Variants in EPS15 observed in about 807,000 individuals in gnomAD.
The protein encoded by EPS15 is epidermal growth factor receptor pathway substrate 15.
A neutral mutation model predicts 113.8 loss-of-function variants in EPS15; 72 were observed. The ratio of observed to expected loss-of-function variants is 0.63; its 90% CI spans 0.52 to 0.77. EPS15 has a LOEUF of 0.77. Among genes scored for constraint, EPS15 ranks in the 30% least tolerant of loss-of-function variants. The pLI is 0.00. For missense variants in EPS15, 1,048 were observed against 1,045.8 expected, an observed-to-expected ratio of 1.00 and a Z score of -0.03; for synonymous variants, 344 against 363.4, an observed-to-expected ratio of 0.95 and a Z score of 0.61.
intron 1 of EPS15, among the ~76,000 whole-genome samples, chr1:51,499,878 A>C (rs1307581932): frequency 2.0e-5 from 3 of 152,220 alleles, no homozygotes; most frequent in Admixed American, 1.3e-4. Context: ...ATTATTGTGC[A>C]ACTATTTCCA....
At chr1:51,385,075 T>G (rs181966836) in intron 21 of EPS15, among the ~76,000 whole-genome samples, 1 of 152,128 alleles carries the variant, frequency 6.6e-6, no homozygotes, top group Non-Finnish European at 1.5e-5. Flanking sequence ...AACAACACAA[T>G]AGATAAAATG....
At position 51,399,114 on chromosome 1, in the gene EPS15, C is replaced by G. The variant is rs780962215; in HGVS notation, c.1970G>C (p.Cys657Ser). 1 of 1,613,996 alleles carries G rather than the reference C, an allele frequency of 6.2e-7. No individual in the cohort carries two copies. Among genetic ancestry groups the G allele is most frequent in the Non-Finnish European group, 8.5e-7 (1 of 1,179,888 alleles). Residue 657 changes from cysteine to serine, a missense_variant, in exon 20 of 25, where the codon TGT becomes TCT. By Grantham distance (112) the Cys-to-Ser change is moderately radical. Coordinates refer to ENST00000371733, the MANE Select transcript of EPS15 (RefSeq NM_001981.3). ...AGGATCAGTAGATTGCCTGAAGAAA[C>G]AGTCTGATGCAAATGGATCTGAACC... ...FKGSDPFASDCFFRQSTDPFA... is the reference protein window; with the variant it reads ...FKGSDPFASDSFFRQSTDPFA...
intron 12 of EPS15, among the ~76,000 whole-genome samples, chr1:51,424,128 G>A (rs1651008607): frequency 1.3e-5 from 2 of 151,986 alleles, no homozygotes; most frequent in Admixed American, 1.3e-4. Context: ...GCACAACCAA[G>A]TAGTATAACA....
chr1:51,468,671 TAC>T (rs952550585), intron 4 of EPS15, 103 bp from the exon 5 acceptor site: 7 of 738,248 alleles, frequency 9.5e-6, no homozygotes, highest in Non-Finnish European at 1.6e-5. Flanking sequence ...TCATAATTAC[TAC>T]AGAGGTCTTA....
chr1:51,515,230 T>A (rs1295770862), intron 1 of EPS15, among the ~76,000 whole-genome samples: 1 of 151,636 alleles, frequency 6.6e-6, no homozygotes, highest in Admixed American at 6.6e-5. Flanking sequence ...TAAAATTAAG[T>A]CCCTACTTAA....
chr1:51,399,369 G>A (rs1336879314), intron 19 of EPS15, among the ~76,000 whole-genome samples: 1 of 151,472 alleles, frequency 6.6e-6, no homozygotes, highest in African/African-American at 2.4e-5. Flanking sequence ...TGCCCAACAT[G>A]TCAAAACCTC....
intron 16 of EPS15, among the ~76,000 whole-genome samples, 153 bp downstream of exon 16, chr1:51,405,752 A>G (rs936820220): frequency 5.8e-5 from 8 of 138,100 alleles, no homozygotes; most frequent in African/African-American, 9.5e-5. Context: ...AAAACGTACA[A>G]TTGTTTGGAT....
At chr1:51,496,397 T>A (rs1474765060) in intron 1 of EPS15, among the ~76,000 whole-genome samples, 1 of 152,218 alleles carries the variant, frequency 6.6e-6, no homozygotes, top group African/African-American at 2.4e-5. Flanking sequence ...CAGAGAAGTA[T>A]ACCATATTCC....
intron 1 of EPS15, among the ~76,000 whole-genome samples, chr1:51,496,307 T>C (rs1417489300): frequency 6.6e-6 from 1 of 152,174 alleles, no homozygotes; most frequent in Non-Finnish European, 1.5e-5. Context: ...GTTGCCTTTA[T>C]AATCAATGTT....
intron 12 of EPS15, among the ~76,000 whole-genome samples, chr1:51,425,679 A>G (rs960126701): frequency 6.6e-6 from 1 of 152,180 alleles, no homozygotes; most frequent in African/African-American, 2.4e-5. Context: ...ACAGAGAAAA[A>G]TCTAGCTCTT....
intron 15 of EPS15, 120 bp from the exon 16 acceptor site, chr1:51,406,228 C>T (rs530474129): frequency 1.2e-6 from 1 of 801,578 alleles, no homozygotes; most frequent in African/African-American, 1.7e-5. Flanking sequence ...ATAATCTCAA[C>T]ACTTTGGGAA....
chr1:51,406,374 G>T (rs1434810342), intron 15 of EPS15, among the ~76,000 whole-genome samples: 1 of 152,116 alleles, frequency 6.6e-6, no homozygotes. Context: ...TACTCAGAAG[G>T]CTGAGATGGG....
chr1:51,471,877 C>T (rs1655265835), intron 3 of EPS15, 140 bp from the exon 4 acceptor site: 2 of 702,256 alleles, frequency 2.8e-6, no homozygotes, highest in Admixed American at 5.4e-5. Flanking sequence ...TGGAAAGAAC[C>T]CTTAAAGATC....
chr1:51,497,404 C>T (rs1177741640), intron 1 of EPS15, among the ~76,000 whole-genome samples: 2 of 152,136 alleles, frequency 1.3e-5, no homozygotes, highest in African/African-American at 2.4e-5. Context: ...TGTCCAAAGT[C>T]ACAAAAAAGT....
chr1:51,457,255 C>A (rs1437031466), intron 8 of EPS15, among the ~76,000 whole-genome samples: 1 of 151,866 alleles, frequency 6.6e-6, no homozygotes, highest in Non-Finnish European at 1.5e-5. Context: ...CCACTGCACT[C>A]CAGCCTGGGC....
chr1:51,497,986 A>C (rs1402286026), intron 1 of EPS15, among the ~76,000 whole-genome samples: 1 of 152,144 alleles, frequency 6.6e-6, no homozygotes, highest in Non-Finnish European at 1.5e-5. Flanking sequence ...AAAAAAAAAA[A>C]AAAAACTAGT....
At chr1:51,495,353 ATTTTTT>A (rs928610749) in intron 1 of EPS15, among the ~76,000 whole-genome samples, 1 of 146,478 alleles carries the variant, frequency 6.8e-6, no homozygotes, top group Admixed American at 6.9e-5. Flanking sequence ...TTTTATTTTT[ATTTTTT>A]TTTTTGCTGG....
intron 1 of EPS15, among the ~76,000 whole-genome samples, chr1:51,512,664 G>GA (rs202204702): frequency 6.0e-4 from 90 of 149,144 alleles, no homozygotes; most frequent in East Asian, 2.9e-3. Flanking sequence ...GGTTTCAAAG[G>GA]AAAAAAAAAT....
chr1:51,502,246 T>C (rs979992890), intron 1 of EPS15, among the ~76,000 whole-genome samples: 1 of 152,098 alleles, frequency 6.6e-6, no homozygotes, highest in Non-Finnish European at 1.5e-5. Flanking sequence ...GCCTGAGCAA[T>C]AAAGACCTTG....
Sources: gnomAD v4.1 joint callset for allele counts (sites outside exome capture counted in the v4.1 genomes callset) on GRCh38, gnomAD v4.1.1 for gene constraint, MANE v1.5 for transcripts, NCBI Gene and HGNC (gene_info 2026-07-23, HGNC 2026-07-21) for gene names.